ZMYM1: variants seen among roughly 807,000 people sequenced by gnomAD.
The protein encoded by ZMYM1 is zinc finger MYM-type containing 1.
Under a neutral mutation model 60.0 loss-of-function variants are expected in ZMYM1, and 39 were observed. That is an observed-to-expected ratio of 0.65 (90% confidence interval 0.50 to 0.85). The LOEUF is 0.85. ZMYM1 is among the 40% of genes least tolerant of loss of function. ZMYM1 has a pLI of 0.00. For synonymous variants in ZMYM1, 413 were observed against 454.0 expected (o/e 0.91, Z 1.15); for missense variants, 1,171 against 1,309.5 (o/e 0.89, Z 1.63).
At chr1:35,102,324 G>A (rs114399726) in intron 4 of ZMYM1, among the ~76,000 whole-genome samples, 4,728 of 152,204 alleles carry the variant, frequency 0.031, 256 homozygotes, top group African/African-American at 0.1. Context: ...GTTAGAATTC[G>A]TTAATCTATC....
downstream of ZMYM1, among the ~76,000 whole-genome samples, chr1:35,117,262 C>T (rs1644259069): frequency 6.6e-6 from 1 of 151,766 alleles, no homozygotes; most frequent in African/African-American, 2.4e-5. Flanking sequence ...CTTTCAAATG[C>T]ATTTGCCTAG....
chr1:35,114,903 C>G lies in ZMYM1; in HGVS notation c.3073C>G (p.Pro1025Ala), dbSNP rs1230136392. The change falls in exon 10 of 10, where the codon CCA becomes GCA. Residue 1025 changes from proline to alanine, a missense_variant. Pro to Ala is a conservative substitution (Grantham distance 27). Transcript: ENST00000359858. ...TTATAAACTTGATGAGGACATTATC[C>G]CAGAACTTAGATTTTATCGACATTA... is the stretch of plus-strand genomic sequence containing the variant. ...EFYKLDEDII[P>A]ELRFYRHYAK... The G allele has an allele frequency of 5.0e-6, 8 of 1,611,148 alleles. No individual in the cohort carries two copies. Among genetic ancestry groups the G allele is most frequent in the African/African-American group, 1.3e-5 (1 of 74,954 alleles).
chr1:35,102,012 T>A (rs1456609127), intron 4 of ZMYM1, among the ~76,000 whole-genome samples: 4 of 152,224 alleles, frequency 2.6e-5, no homozygotes, highest in African/African-American at 9.6e-5. Context: ...CCCATATTTT[T>A]AAAAATTGAT....
chr1:35,115,420 T>C lies in ZMYM1; in HGVS notation c.*161T>C. The C allele has an allele frequency of 1.3e-6, 1 of 794,342 alleles. No individual in the cohort carries two copies. Among genetic ancestry groups the C allele is most frequent in the Non-Finnish European group, 1.9e-6 (1 of 531,030 alleles). The allele number at this position is 794,342 out of a possible 1,614,324, so 49.2% of individuals were successfully genotyped here. A position where few individuals can be genotyped will look rare whatever the true frequency, so the allele number is the denominator to read the frequency against. ...TTCCCAAAAAGTGTTATCTTTTCCT[T>C]AAATATCCCTCTAGAGGTATTTTTC... is the stretch of plus-strand genomic sequence containing the variant. On this transcript the variant is annotated 3_prime_UTR_variant, in exon 10 of 10. Transcript: ENST00000359858.
upstream of ZMYM1, chr1:35,079,174 G>A (rs942139074): frequency 5.3e-5 from 8 of 152,326 alleles, no homozygotes; most frequent in African/African-American, 1.9e-4. Flanking sequence ...CCTGAGCTCT[G>A]AGTCAAGGGT....
At chr1:35,088,203 A>G (rs188297971) in intron 1 of ZMYM1, among the ~76,000 whole-genome samples, 2 of 152,042 alleles carry the variant, frequency 1.3e-5, no homozygotes, top group East Asian at 3.9e-4. Flanking sequence ...GCGGATCACA[A>G]GGTCAGGTGA....
At chr1:35,105,210 C>T (rs1198690221) in intron 6 of ZMYM1, among the ~76,000 whole-genome samples, 1 of 145,180 alleles carries the variant, frequency 6.9e-6, no homozygotes, top group Non-Finnish European at 1.5e-5. Flanking sequence ...TCTCGGCTCA[C>T]TGCAAGTTCT....
At position 35,114,162 on chromosome 1, in the gene ZMYM1, A is replaced by G. The variant is rs755504077; in HGVS notation, c.2332A>G (p.Ile778Val). 7 of 1,611,088 alleles carry G rather than the reference A, an allele frequency of 4.3e-6. No homozygotes were observed. The African/African-American group carries it at 6.7e-5, about 15-fold the overall frequency. ...LKTLSSLFNT[I>V]CMSGEMLANF... is the part of the protein sequence containing the mutation. ...AACTCTCAGTTCTTTGTTCAACACT[A>G]TTTGTATGTCTGGGGAAATGTTGGC... is the stretch of plus-strand genomic sequence containing the variant. Residue 778 changes from isoleucine (I) to valine (V), a missense_variant, in exon 10 of 10, where the codon ATT (isoleucine) becomes GTT (valine). Transcript: ENST00000359858.
chr1:35,097,981 G>T (rs1170542322), intron 4 of ZMYM1, among the ~76,000 whole-genome samples: 2 of 152,112 alleles, frequency 1.3e-5, no homozygotes, highest in Non-Finnish European at 2.9e-5. Context: ...TGTCGTCTTG[G>T]TTTAGTAAAA....
chr1:35,092,292 G>A (rs1643062198), intron 1 of ZMYM1, among the ~76,000 whole-genome samples: 1 of 151,772 alleles, frequency 6.6e-6, no homozygotes, highest in Non-Finnish European at 1.5e-5. Flanking sequence ...GAGTGCAGTG[G>A]TGCGATCTCA....
At chr1:35,108,345 T>G (rs922078869) in intron 6 of ZMYM1, among the ~76,000 whole-genome samples, 1 of 147,340 alleles carries the variant, frequency 6.8e-6, no homozygotes, top group South Asian at 2.1e-4. Context: ...TGGTGGGTTT[T>G]GTTTTGTTTT....
intron 1 of ZMYM1, among the ~76,000 whole-genome samples, chr1:35,069,308 C>T (rs1642029365): frequency 6.6e-6 from 1 of 152,152 alleles, no homozygotes; most frequent in African/African-American, 2.4e-5. Flanking sequence ...GGTGTTATCT[C>T]ATTGTGATTT....
intron 1 of ZMYM1, among the ~76,000 whole-genome samples, chr1:35,085,138 C>T (rs1167444021): frequency 6.6e-6 from 1 of 151,942 alleles, no homozygotes; most frequent in African/African-American, 2.4e-5. Context: ...AGCTCCGCCT[C>T]CTGGGTTCAC....
intron 6 of ZMYM1, among the ~76,000 whole-genome samples, chr1:35,109,081 A>G (rs1311242208): frequency 1.3e-5 from 2 of 151,816 alleles, no homozygotes; most frequent in Non-Finnish European, 2.9e-5. Context: ...GTGCAATGGC[A>G]TGATCTCGGC....
At chr1:35,116,835 ATTTTTTTTTTTTTT>A (rs10671957), downstream of ZMYM1, among the ~76,000 whole-genome samples, 5 of 88,966 alleles carry the variant, frequency 5.6e-5, no homozygotes, top group South Asian at 2.2e-3. Flanking sequence ...TAGGCCTGGA[ATTTTTTTTTTTTTT>A]TTTTTTTTTT....
intron 1 of ZMYM1, among the ~76,000 whole-genome samples, chr1:35,083,679 G>A (rs561840108): frequency 1.6e-4 from 24 of 152,136 alleles, no homozygotes; most frequent in African/African-American, 4.1e-4. Context: ...GCAGTGGTGC[G>A]ATCATAGCTC....
chr1:35,109,310 G>A (rs1048054855), intron 6 of ZMYM1, among the ~76,000 whole-genome samples: 38 of 152,282 alleles, frequency 2.5e-4, no homozygotes, highest in Middle Eastern at 3.4e-3. Flanking sequence ...GATTACAGGC[G>A]TGAGCCACTG....
downstream of ZMYM1, among the ~76,000 whole-genome samples, chr1:35,117,074 G>A (rs561168617): frequency 3.1e-3 from 458 of 148,354 alleles, 1 homozygote; most frequent in African/African-American, 0.01. Flanking sequence ...CTCGTGATCC[G>A]CCCGCCTCGG....
intron 1 of ZMYM1, among the ~76,000 whole-genome samples, chr1:35,084,793 G>C (rs1642570557): frequency 6.6e-6 from 1 of 152,144 alleles, no homozygotes; most frequent in Admixed American, 6.6e-5. Context: ...ACTTGGAGGA[G>C]GGGAGATTTC....
Sources: gnomAD v4.1 joint callset for allele counts (sites outside exome capture counted in the v4.1 genomes callset) on GRCh38, gnomAD v4.1.1 for gene constraint, MANE v1.5 for transcripts, NCBI Gene and HGNC (gene_info 2026-07-23, HGNC 2026-07-21) for gene names.